DENND6B: variants seen among roughly 807,000 people sequenced by gnomAD.
The protein encoded by DENND6B is DENN domain containing 6B.
A neutral mutation model predicts 85.1 loss-of-function variants in DENND6B; 73 were observed. The ratio of observed to expected loss-of-function variants is 0.86; its 90% CI spans 0.71 to 1.04. The LOEUF (loss-of-function observed/expected upper bound fraction) is 1.04. DENND6B is among the 50% of genes least tolerant of loss of function. The pLI is 0.00. For missense variants in DENND6B, 715 were observed against 785.8 expected (o/e 0.91, Z 1.08); for synonymous variants, 357 against 329.3 (o/e 1.08, Z -0.91).
chr22:50,316,620 G>A (rs1159469417), intron 5 of DENND6B, 145 bp from the exon 6 acceptor site: 8 of 1,534,820 alleles, frequency 5.2e-6, no homozygotes, highest in East Asian at 4.9e-5. Flanking sequence ...AGCTGCCCCA[G>A]GAACGCCTGA....
chr22:50,316,442 G>T lies in DENND6B; in HGVS notation c.487C>A (p.Arg163=). The T allele has an allele frequency of 6.3e-7, 1 of 1,587,892 alleles. No homozygotes were observed. The highest frequency in any genetic ancestry group is 8.6e-7 in the Non-Finnish European group (1 of 1,168,678). ...LVLVSRLPFV[R]LFQALLSLIA... ...AGGCTTAGCAGCGCTTGGAACAGCC[G>T]GACAAAGGGCAAGCGGGACACCAGC... The change falls in exon 6 of 20, where the codon CGG becomes AGG. Residue 163 remains arginine (R), a synonymous_variant. Coordinates refer to ENST00000413817, the MANE Select transcript of DENND6B (RefSeq NM_001001794.4).
Position 50,317,901 on chromosome 22 carries a change from T to C in DENND6B, c.372+7A>G. 1 of 1,604,796 alleles carries C rather than the reference T, an allele frequency of 6.2e-7. No homozygotes were observed. Among genetic ancestry groups the C allele is most frequent in the Non-Finnish European group, 8.5e-7 (1 of 1,178,738 alleles). ...GAAGCAGGCCAGAGACGCAGCCCAG[T>C]GCTCACCTGCAGTGCCACAGGGGCC... is the stretch of plus-strand genomic sequence containing the variant. On this transcript the variant is annotated splice_region_variant and intron_variant, in intron 4 of 19. Transcript: ENST00000413817.
rs116951534 is a variant in DENND6B at position 50,317,891 on chromosome 22, C to T, written c.372+17G>A. 8.8e-3 allele frequency: 14,035 copies of T among 1,598,332 alleles called. 84 individuals are homozygous for T. The highest frequency in any genetic ancestry group is 9.8e-3 in the Non-Finnish European group (11,524 of 1,175,976). ...GAGCAGGGGAGAAGCAGGCCAGAGA[C>T]GCAGCCCAGTGCTCACCTGCAGTGC... On this transcript the variant is annotated intron_variant, in intron 4 of 19. Coordinates refer to ENST00000413817, the MANE Select transcript of DENND6B (RefSeq NM_001001794.4).
chr22:50,324,704 G>A (rs144707571), intron 1 of DENND6B, among the ~76,000 whole-genome samples: 7 of 152,274 alleles, frequency 4.6e-5, no homozygotes, highest in South Asian at 2.1e-4. Flanking sequence ...GATTACAGGC[G>A]TGAGCCACCA....
rs1298051777 is a variant in DENND6B at position 50,310,057 on chromosome 22, C to T, written c.*2082G>A. 1 of 152,240 alleles carries T rather than the reference C, an allele frequency of 6.6e-6. No homozygotes were observed. Among genetic ancestry groups the T allele is most frequent in the Non-Finnish European group, 1.5e-5 (1 of 68,052 alleles). 9.4% of individuals were successfully genotyped at this position (152,240 alleles called of 1,614,324 possible). ...TGGTGGAGGGCAGCTGATGGCAGGG[C>T]CTGTACTGGCCCCCCAGGCCCCATC... On this transcript the variant is annotated 3_prime_UTR_variant, in exon 20 of 20. Coordinates refer to ENST00000413817, the MANE Select transcript of DENND6B (RefSeq NM_001001794.4).
intron 11 of DENND6B, 31 bp from the exon 12 acceptor site, chr22:50,314,525 G>C: frequency 6.4e-7 from 1 of 1,554,614 alleles, no homozygotes; most frequent in Non-Finnish European, 8.7e-7. Context: ...AAGAGGCAGA[G>C]ACAGAGGTCC....
At chr22:50,319,363 G>T in intron 1 of DENND6B, 1 of 985,344 alleles carries the variant, frequency 1.0e-6, no homozygotes, top group Non-Finnish European at 1.2e-6. Flanking sequence ...GCCCCTCTCA[G>T]TAAGAGGCCA....
chr22:50,313,361 C>T, intron 16 of DENND6B, 85 bp downstream of exon 16: 3 of 1,479,924 alleles, frequency 2.0e-6, no homozygotes, highest in East Asian at 2.5e-5. Flanking sequence ...CCAGCCACAG[C>T]CTCCTGCTCC....
chr22:50,321,948 A>G (rs2042058366), intron 1 of DENND6B, among the ~76,000 whole-genome samples: 1 of 152,126 alleles, frequency 6.6e-6, no homozygotes, highest in South Asian at 2.1e-4. Flanking sequence ...TCCTGGACTC[A>G]GCCTTCCAAG....
In DENND6B at chr22:50,323,258, G is replaced by C. The variant is rs1389221601; in HGVS notation, c.177+3554C>G. On this transcript the variant is annotated intron_variant, in intron 1 of 19. Coordinates refer to ENST00000413817, the MANE Select transcript of DENND6B (RefSeq NM_001001794.4). Reference sequence around the variant, plus strand: ...AGCCTCCCAAGTAGCTGAGACTACAGGTTTGTGCCACCATGCCTGGCTCTT... The same window carrying C: ...AGCCTCCCAAGTAGCTGAGACTACACGTTTGTGCCACCATGCCTGGCTCTT... Among the ~76,000 whole-genome samples the C allele has an allele frequency of 2.0e-5, 3 of 149,404 alleles. No homozygotes were observed. In the Admixed American group the frequency reaches 2.0e-4, roughly 10 times the overall value.
chr22:50,318,800 G>A (rs2041941946), intron 3 of DENND6B, 47 bp downstream of exon 3: 3 of 1,607,598 alleles, frequency 1.9e-6, no homozygotes, highest in Non-Finnish European at 2.5e-6. Context: ...CTACAGGGAT[G>A]CCCAGCTGGC....
At chr22:50,314,325 C>G in intron 12 of DENND6B, 53 bp from the exon 13 acceptor site, 3 of 1,594,540 alleles carry the variant, frequency 1.9e-6, no homozygotes, top group Non-Finnish European at 2.6e-6. Context: ...CTGGCCATCC[C>G]CACGGGCTCT....
intron 7 of DENND6B, 39 bp downstream of exon 7, chr22:50,316,135 A>C (rs2147774516): frequency 1.2e-6 from 2 of 1,612,562 alleles, no homozygotes. Context: ...GCATCCCCAC[A>C]CACCTGCAGA....
chr22:50,312,562 C>T lies in DENND6B; in HGVS notation c.1521G>A (p.Leu507=), dbSNP rs777238809. Residue 507 remains leucine (L), a synonymous_variant, in exon 18 of 20, where the codon CTG becomes CTA. Transcript: ENST00000413817. ...WYRQRHKEMA[L]KLEALHLEAI... ...CCTCCAGGTGCAGGGCCTCCAGCTT[C>T]AGGGCCATCTCCTTGTGCCGCTGCC... The T allele has an allele frequency of 3.8e-6, 6 of 1,596,434 alleles. No individual in the cohort carries two copies. Among genetic ancestry groups the T allele is most frequent in the Admixed American group, 3.5e-5 (2 of 57,722 alleles).
intron 1 of DENND6B, among the ~76,000 whole-genome samples, chr22:50,323,806 C>T (rs2042123119): frequency 6.7e-6 from 1 of 148,164 alleles, no homozygotes; most frequent in Non-Finnish European, 1.5e-5. Context: ...GATCATGGCT[C>T]ACTACAGCCT....
At chr22:50,314,983 C>A (rs568952783) in intron 9 of DENND6B, 62 bp from the exon 10 acceptor site, 285 of 1,586,126 alleles carry the variant, frequency 1.8e-4, no homozygotes, top group Non-Finnish European at 2.3e-4. Context: ...GCTCTGGCCC[C>A]GCTCTCCCAC....
At chr22:50,315,906 G>C (rs908387907) in intron 8 of DENND6B, 119 bp downstream of exon 8, 1 of 1,551,662 alleles carries the variant, frequency 6.4e-7, no homozygotes. Flanking sequence ...GGCTTTGCCT[G>C]GGTTTGACAA....
Position 50,312,142 on chromosome 22 carries a change from G to A in DENND6B, c.1755C>T (p.Pro585=). ...PKDLQAVLCP[P] ...GACCGTGGCCCTTGGCTTTGTTCTA[G>A]GGAGGGCACAAGACAGCCTGCAGGT... Residue 585 remains proline, a synonymous_variant, in exon 20 of 20, where the codon CCC becomes CCT. Coordinates refer to ENST00000413817, the MANE Select transcript of DENND6B (RefSeq NM_001001794.4). The A allele has an allele frequency of 6.2e-7, 1 of 1,612,274 alleles. No individual in the cohort carries two copies. Among genetic ancestry groups the A allele is most frequent in the Non-Finnish European group, 8.5e-7 (1 of 1,179,698 alleles).
intron 1 of DENND6B, among the ~76,000 whole-genome samples, chr22:50,323,739 T>TC (rs2042119935): frequency 6.7e-6 from 1 of 149,682 alleles, no homozygotes; most frequent in South Asian, 2.1e-4. Context: ...TTTTTTTTTT[T>TC]TTTTAATTTT....
Sources: allele counts gnomAD v4.1 joint callset (sites outside exome capture counted in the v4.1 genomes callset), GRCh38; gene constraint gnomAD v4.1.1; transcripts MANE v1.5; gene names NCBI Gene and HGNC (gene_info 2026-07-23, HGNC 2026-07-21).